The following GRID2 variants were observed in gnomAD, a reference collection of about 807,000 sequenced individuals.
The protein encoded by GRID2 is glutamate ionotropic receptor delta type subunit 2, also known as glutamate receptor ionotropic, delta-2.
In GRID2, 33 loss-of-function variants were observed where a neutral mutation model predicts 114.8. The ratio of observed to expected loss-of-function variants is 0.29; its 90% CI spans 0.22 to 0.38. The LOEUF (loss-of-function observed/expected upper bound fraction) is 0.38. Ranked by LOEUF, GRID2 falls within the 10% of genes least tolerant of loss-of-function variation. The pLI is 1.00. For synonymous variants in GRID2, 505 were observed against 449.9 expected (o/e 1.12, Z -1.55); for missense variants, 1,184 against 1,257.7 (o/e 0.94, Z 0.89).
At chr4:92,701,203 C>T (rs1447560820) in intron 2 of GRID2, among the ~76,000 whole-genome samples, 2 of 151,970 alleles carry the variant, frequency 1.3e-5, no homozygotes, top group Non-Finnish European at 2.9e-5. Context: ...TGAGATAATT[C>T]GTAGTACTTT....
rs1050599785 is a variant in GRID2 at position 92,582,098 on chromosome 4, C to T, written c.89-8033C>T. ...GTAAGCACTAGACAGTGGAAAATAA[C>T]GAGCCAGATAGTTTCTGTACCTGGC... On this transcript the variant is annotated intron_variant, in intron 1 of 15. Coordinates refer to ENST00000282020, the MANE Select transcript of GRID2 (RefSeq NM_001510.4). Among the ~76,000 whole-genome samples the T allele has an allele frequency of 7.2e-5, 11 of 152,074 alleles. 1 individual carries two copies. The Middle Eastern group carries it at 0.017, about 235-fold the overall frequency.
intron 2 of GRID2, among the ~76,000 whole-genome samples, chr4:92,961,225 G>T (rs1479389917): frequency 4.0e-5 from 6 of 151,662 alleles, no homozygotes; most frequent in African/African-American, 1.5e-4. Context: ...GATAAATTAA[G>T]AAAAAGGTAT....
chr4:92,849,708 A>G (rs900590036), intron 2 of GRID2, among the ~76,000 whole-genome samples: 3 of 151,810 alleles, frequency 2.0e-5, no homozygotes, highest in Non-Finnish European at 4.4e-5. Context: ...TGATATTACC[A>G]AGACATTATA....
At chr4:93,608,079 C>T (rs1427620818) in intron 13 of GRID2, among the ~76,000 whole-genome samples, 2 of 144,402 alleles carry the variant, frequency 1.4e-5, no homozygotes, top group African/African-American at 5.1e-5. Context: ...TATATATATG[C>T]ATATATATAC....
intron 2 of GRID2, among the ~76,000 whole-genome samples, chr4:92,631,100 A>C (rs2149246053): frequency 6.6e-6 from 1 of 152,106 alleles, no homozygotes; most frequent in South Asian, 2.1e-4. Flanking sequence ...TGAGTTTTGT[A>C]ATGTTCCCTA....
chr4:92,945,892 C>T (rs988348293), intron 2 of GRID2, among the ~76,000 whole-genome samples: 9 of 152,138 alleles, frequency 5.9e-5, no homozygotes, highest in African/African-American at 2.2e-4. Flanking sequence ...GCCCCCTTAA[C>T]TTCAGTCCTC....
chr4:92,654,673 A>ATT (rs149899874), intron 2 of GRID2, among the ~76,000 whole-genome samples: 1 of 151,562 alleles, frequency 6.6e-6, no homozygotes, highest in African/African-American at 2.4e-5. Context: ...AATGTTAAGC[A>ATT]TTTTTTTCAT....
intron 2 of GRID2, among the ~76,000 whole-genome samples, chr4:92,891,125 G>A (rs1230961186): frequency 3.3e-5 from 5 of 152,210 alleles, no homozygotes; most frequent in Non-Finnish European, 5.9e-5. Flanking sequence ...GGAGTCGCGG[G>A]GGCTAGGGGA....
At chr4:92,465,344 A>G (rs535978726) in intron 1 of GRID2, among the ~76,000 whole-genome samples, 63 of 152,220 alleles carry the variant, frequency 4.1e-4, no homozygotes, top group African/African-American at 1.4e-3. Context: ...ATTAACATTC[A>G]TAATTGAATT....
At chr4:93,177,512 A>G (rs1387072338) in intron 4 of GRID2, among the ~76,000 whole-genome samples, 1 of 150,894 alleles carries the variant, frequency 6.6e-6, no homozygotes, top group East Asian at 1.9e-4. Flanking sequence ...AAACCCACGT[A>G]TATCCGATTC....
chr4:92,354,442 T>C (rs998725843), intron 1 of GRID2, among the ~76,000 whole-genome samples: 3 of 152,020 alleles, frequency 2.0e-5, no homozygotes, highest in Non-Finnish European at 4.4e-5. Flanking sequence ...ATTTCTGAAA[T>C]GGTATCTTAT....
At chr4:93,712,063 G>GTCA (rs1292381645) in intron 14 of GRID2, among the ~76,000 whole-genome samples, 2 of 151,930 alleles carry the variant, frequency 1.3e-5, no homozygotes, top group African/African-American at 4.8e-5. Context: ...TTGTTTTCAT[G>GTCA]TGTTACAAAT....
intron 1 of GRID2, among the ~76,000 whole-genome samples, chr4:92,547,748 A>G (rs1478488795): frequency 1.3e-5 from 2 of 152,096 alleles, no homozygotes; most frequent in Non-Finnish European, 2.9e-5. Flanking sequence ...TTGTTCTCAC[A>G]CATAATTTGA....
intron 8 of GRID2, among the ~76,000 whole-genome samples, chr4:93,315,790 AT>A (rs879394466): frequency 5.9e-5 from 9 of 152,182 alleles, no homozygotes; most frequent in Non-Finnish European, 7.3e-5. Context: ...GTTAAAAAGA[AT>A]TGATTTATTA....
intron 8 of GRID2, among the ~76,000 whole-genome samples, chr4:93,348,571 A>G (rs900957257): frequency 6.6e-6 from 1 of 152,152 alleles, no homozygotes; most frequent in Non-Finnish European, 1.5e-5. Flanking sequence ...GATAAATGCC[A>G]TCTCCTGGAA....
intron 1 of GRID2, among the ~76,000 whole-genome samples, chr4:92,326,823 G>A (rs1049917773): frequency 6.6e-6 from 1 of 151,940 alleles, no homozygotes; most frequent in Non-Finnish European, 1.5e-5. Context: ...AATACTGTCC[G>A]ATATCTGTGC....
At chr4:92,730,025 T>G (rs1289885509) in intron 2 of GRID2, among the ~76,000 whole-genome samples, 3 of 151,922 alleles carry the variant, frequency 2.0e-5, no homozygotes, top group Non-Finnish European at 4.4e-5. Context: ...CACATGAAGA[T>G]GAACATAAAA....
intron 2 of GRID2, among the ~76,000 whole-genome samples, chr4:92,801,065 G>A (rs1054714910): frequency 1.3e-5 from 2 of 151,956 alleles, no homozygotes; most frequent in African/African-American, 4.8e-5. Flanking sequence ...GGCTCATTGA[G>A]TATTGTTGCA....
rs186068933 is a variant in GRID2, at chr4:92,474,191, C to T, written c.89-115940C>T. ...TCTCCCATTTCCTACCCTCCTATCT[C>T]CTGGTACCATCATTCTGCTCTCTGT... On this transcript the variant is annotated intron_variant, in intron 1 of 15. Coordinates refer to ENST00000282020, the MANE Select transcript of GRID2 (RefSeq NM_001510.4). 2.9e-3 allele frequency among the ~76,000 whole-genome samples: 444 copies of T among 152,138 alleles called. 3 individuals carry two copies. The highest frequency in any genetic ancestry group is 9.8e-3 in the African/African-American group (407 of 41,530).
Sources: gnomAD v4.1 joint callset for allele counts (sites outside exome capture counted in the v4.1 genomes callset) on GRCh38, gnomAD v4.1.1 for gene constraint, MANE v1.5 for transcripts, NCBI Gene and HGNC (gene_info 2026-07-23, HGNC 2026-07-21) for gene names.